SCN7A: variants seen among roughly 807,000 people sequenced by gnomAD.
The protein encoded by SCN7A is sodium channel protein type 7 subunit alpha.
Under a neutral mutation model 155.2 loss-of-function variants are expected in SCN7A, and 138 were observed. That is an observed-to-expected ratio of 0.89 (90% CI 0.77 to 1.02). The LOEUF (loss-of-function observed/expected upper bound fraction) is 1.02, where lower values mean the gene tolerates loss of function less well. Among genes scored for constraint, SCN7A ranks in the 50% least tolerant of loss-of-function variants. SCN7A has a pLI of 0.00. For synonymous variants in SCN7A, 693 were observed against 649.0 expected (o/e 1.07, Z -1.03); for missense variants, 2,058 against 1,986.6 (o/e 1.04, Z -0.68).
At chr2:166,439,789 G>A (rs78529129) in intron 15 of SCN7A, among the ~76,000 whole-genome samples, 14,007 of 152,160 alleles carry the variant, frequency 0.092, 903 homozygotes, top group Admixed American at 0.18. Context: ...TTCCCTCATG[G>A]TGCTTACAGT....
At position 166,427,904 on chromosome 2, in the gene SCN7A, C is replaced by T; in HGVS notation, c.2737G>A (p.Ala913Thr). The T allele has an allele frequency of 1.2e-6, 2 of 1,612,834 alleles. No homozygotes were observed. Among genetic ancestry groups the T allele is most frequent in the Non-Finnish European group, 1.7e-6 (2 of 1,179,258 alleles). The stretch of plus-strand genomic sequence containing the variant: ...TGCCAGATTTTTCCTTTCTTGGATG[C>T]TCCACTGATTTGACCAAGTGAAGAT... ...RGSSLGQISG[A>T]SKKGKIWQNI... The change falls in exon 18 of 26, where the codon GCA becomes ACA. Residue 913 changes from alanine to threonine, a missense_variant. By Grantham distance (58) the Ala-to-Thr change is moderately conservative. Transcript: ENST00000643258.
At chr2:166,480,591 A>G (rs935577431) in intron 2 of SCN7A, among the ~76,000 whole-genome samples, 2 of 152,142 alleles carry the variant, frequency 1.3e-5, no homozygotes, top group African/African-American at 4.8e-5. Flanking sequence ...ATTCCTTACT[A>G]TATTATGATA....
chr2:166,436,468 C>G (rs1016586743), intron 15 of SCN7A: 2 of 386,930 alleles, frequency 5.2e-6, no homozygotes, highest in Non-Finnish European at 1.0e-5. Flanking sequence ...AGTTAAACCT[C>G]TTTCTTTTGT....
chr2:166,437,804 T>G (rs550611682), intron 15 of SCN7A, among the ~76,000 whole-genome samples: 2 of 152,312 alleles, frequency 1.3e-5, no homozygotes, highest in African/African-American at 4.8e-5. Context: ...GCATGGTGGC[T>G]GTACCCCTTT....
At chr2:166,472,987 T>C (rs1047008236) in intron 5 of SCN7A, among the ~76,000 whole-genome samples, 4 of 151,408 alleles carry the variant, frequency 2.6e-5, no homozygotes, top group Non-Finnish European at 4.4e-5. Flanking sequence ...CATGGACACA[T>C]AGAGGGGAGC....
chr2:166,465,574 G>A (rs751059153), intron 8 of SCN7A, 43 bp from the exon 9 acceptor site: 1 of 1,433,932 alleles, frequency 7.0e-7, no homozygotes, highest in Non-Finnish European at 9.7e-7. Flanking sequence ...GTAATTATGA[G>A]TTAGCACCAC....
rs560032257 is a variant in SCN7A at position 166,463,307 on chromosome 2, T to C, written c.942-777A>G. On this transcript the variant is annotated intron_variant, in intron 9 of 25. Coordinates refer to ENST00000643258, the MANE Select transcript of SCN7A (RefSeq NM_002976.4). Reference sequence around the variant, plus strand: ...ATTACAGTGGCAGTCCAGTAAATCATGCTTCCTCTCTCCACGCCCTTGTGT... The same window carrying C: ...ATTACAGTGGCAGTCCAGTAAATCACGCTTCCTCTCTCCACGCCCTTGTGT... Among the ~76,000 whole-genome samples the C allele has an allele frequency of 2.6e-5, 4 of 152,342 alleles. No individual in the cohort carries two copies. In the East Asian group the frequency reaches 5.8e-4, roughly 22 times the overall value.
chr2:166,475,125 T>TAC (rs1559125359), intron 3 of SCN7A, among the ~76,000 whole-genome samples: 11 of 131,336 alleles, frequency 8.4e-5, no homozygotes, highest in Admixed American at 2.3e-4. Context: ...TATATACATA[T>TAC]ATATATATAT....
At chr2:166,477,964 C>A (rs1352356205) in intron 2 of SCN7A, among the ~76,000 whole-genome samples, 1 of 151,968 alleles carries the variant, frequency 6.6e-6, no homozygotes, top group Admixed American at 6.6e-5. Flanking sequence ...TACCTTTCAA[C>A]TTCTCCATTA....
chr2:166,407,851 T>C (rs1311626879), intron 25 of SCN7A, among the ~76,000 whole-genome samples: 1 of 151,972 alleles, frequency 6.6e-6, no homozygotes, highest in Non-Finnish European at 1.5e-5. Flanking sequence ...TATCGACCTG[T>C]CCTCTAAGTT....
At chr2:166,424,338 G>A (rs1167167529) in intron 18 of SCN7A, among the ~76,000 whole-genome samples, 1 of 151,876 alleles carries the variant, frequency 6.6e-6, no homozygotes, top group Non-Finnish European at 1.5e-5. Flanking sequence ...AATTAGCATG[G>A]GTAGAGTAGA....
At chr2:166,462,552 A>C in intron 9 of SCN7A, 22 bp from the exon 10 acceptor site, 2 of 1,610,292 alleles carry the variant, frequency 1.2e-6, no homozygotes, top group Non-Finnish European at 1.7e-6. Context: ...AAAGAAAAAA[A>C]CCTGCTTACT....
At chr2:166,459,279 T>C (rs1269382686) in intron 10 of SCN7A, among the ~76,000 whole-genome samples, 1 of 152,166 alleles carries the variant, frequency 6.6e-6, no homozygotes, top group Non-Finnish European at 1.5e-5. Flanking sequence ...CTTGTTAGCA[T>C]AAAACAGTAC....
intron 1 of SCN7A, among the ~76,000 whole-genome samples, chr2:166,492,270 T>C (rs1195614806): frequency 6.6e-6 from 1 of 152,118 alleles, no homozygotes; most frequent in African/African-American, 2.4e-5. Context: ...TTGAGTTCTT[T>C]CTTCTATTAC....
intron 11 of SCN7A, among the ~76,000 whole-genome samples, chr2:166,451,863 C>G (rs80305454): frequency 1.3e-5 from 2 of 152,256 alleles, no homozygotes; most frequent in Non-Finnish European, 2.9e-5. Flanking sequence ...AATATCCAGC[C>G]TCAACAATTA....
intron 7 of SCN7A, among the ~76,000 whole-genome samples, chr2:166,466,591 G>A (rs1053417828): frequency 2.0e-5 from 3 of 151,876 alleles, no homozygotes; most frequent in Admixed American, 6.6e-5. Flanking sequence ...TAGAAAACAA[G>A]AAAAAACAAA....
At chr2:166,479,075 G>C (rs1457285247) in intron 2 of SCN7A, among the ~76,000 whole-genome samples, 1 of 151,946 alleles carries the variant, frequency 6.6e-6, no homozygotes. Flanking sequence ...TTTTGGTTTT[G>C]ATATTGTGGC....
chr2:166,467,022 A>C (rs1702549058), intron 7 of SCN7A, among the ~76,000 whole-genome samples: 1 of 151,944 alleles, frequency 6.6e-6, no homozygotes, highest in Admixed American at 6.6e-5. Context: ...ATCATAATAA[A>C]ATCTATTTAT....
intron 16 of SCN7A, among the ~76,000 whole-genome samples, chr2:166,431,723 G>A (rs1356092939): frequency 6.6e-6 from 1 of 152,014 alleles, no homozygotes; most frequent in East Asian, 1.9e-4. Context: ...GCGTTATAAA[G>A]CTACCAACTG....
Sources: gnomAD v4.1 joint callset for allele counts (sites outside exome capture counted in the v4.1 genomes callset) on GRCh38, gnomAD v4.1.1 for gene constraint, MANE v1.5 for transcripts, NCBI Gene and HGNC (gene_info 2026-07-23, HGNC 2026-07-21) for gene names.